The following SIK3 variants were observed in gnomAD, a reference collection of about 807,000 sequenced individuals.
SIK3 encodes the protein SIK family kinase 3.
In SIK3, 28 loss-of-function variants were observed where a neutral mutation model predicts 144.2. The ratio of observed to expected loss-of-function variants is 0.19; its 90% CI spans 0.14 to 0.27. The LOEUF is 0.27. SIK3 is among the 10% of genes least tolerant of loss of function. The pLI is 1.00. For synonymous variants in SIK3, 686 were observed against 676.3 expected (o/e 1.01, Z -0.22); for missense variants, 1,319 against 1,776.0 (o/e 0.74, Z 4.62).
intron 1 of SIK3, among the ~76,000 whole-genome samples, chr11:117,038,016 T>C (rs1053572881): frequency 2.0e-5 from 3 of 152,252 alleles, no homozygotes; most frequent in East Asian, 1.9e-4. Flanking sequence ...TTGTGTACTA[T>C]GGGGTGGAAA....
At chr11:116,981,589 T>C (rs1950142572) in intron 1 of SIK3, among the ~76,000 whole-genome samples, 1 of 152,250 alleles carries the variant, frequency 6.6e-6, no homozygotes, top group South Asian at 2.1e-4. Flanking sequence ...CAGGAAATAC[T>C]GTTTCCATAT....
intron 3 of SIK3, among the ~76,000 whole-genome samples, chr11:116,940,008 C>T (rs1052788675): frequency 2.0e-5 from 3 of 152,152 alleles, no homozygotes; most frequent in Admixed American, 6.5e-5. Context: ...CTGGCTATTA[C>T]ATGATAGTAA....
At chr11:116,892,991 T>C (rs1462862985) in intron 6 of SIK3, among the ~76,000 whole-genome samples, 1 of 152,204 alleles carries the variant, frequency 6.6e-6, no homozygotes, top group East Asian at 1.9e-4. Context: ...TCTACCCATA[T>C]GACATTCTGG....
At chr11:116,877,538 G>T (rs1944316996) in intron 6 of SIK3, among the ~76,000 whole-genome samples, 1 of 152,174 alleles carries the variant, frequency 6.6e-6, no homozygotes, top group South Asian at 2.1e-4. Flanking sequence ...AGGTGTGTGG[G>T]GAGAGAGCCA....
At chr11:116,981,547 G>T (rs1204903232) in intron 1 of SIK3, among the ~76,000 whole-genome samples, 1 of 152,206 alleles carries the variant, frequency 6.6e-6, no homozygotes, top group African/African-American at 2.4e-5. Flanking sequence ...CTTCTTGATA[G>T]TACAATAGTG....
At chr11:116,983,213 C>G (rs1950210948) in intron 1 of SIK3, among the ~76,000 whole-genome samples, 1 of 141,610 alleles carries the variant, frequency 7.1e-6, no homozygotes, top group Non-Finnish European at 1.5e-5. Flanking sequence ...GGCGACAGAG[C>G]GAGACTCTGT....
At chr11:116,914,416 C>T (rs936827367) in intron 4 of SIK3, among the ~76,000 whole-genome samples, 2 of 151,970 alleles carry the variant, frequency 1.3e-5, no homozygotes, top group African/African-American at 4.8e-5. Flanking sequence ...ACCATGTTGG[C>T]CAGGCTGGTC....
chr11:117,082,745 G>A (rs1321765953), intron 1 of SIK3, among the ~76,000 whole-genome samples: 3 of 152,126 alleles, frequency 2.0e-5, no homozygotes, highest in Non-Finnish European at 2.9e-5. Flanking sequence ...AAAAAATTGG[G>A]TGAACTGTAT....
At chr11:116,907,640 A>G (rs1201861731) in intron 4 of SIK3, among the ~76,000 whole-genome samples, 1 of 152,112 alleles carries the variant, frequency 6.6e-6, no homozygotes, top group Admixed American at 6.5e-5. Flanking sequence ...AGAGCAAAAC[A>G]CTGTCTCAAA....
chr11:117,009,881 T>C (rs1208775786), intron 1 of SIK3, among the ~76,000 whole-genome samples: 1 of 152,232 alleles, frequency 6.6e-6, no homozygotes, highest in Non-Finnish European at 1.5e-5. Context: ...TATTCTTGTT[T>C]ACTGCCCAAC....
chr11:117,031,687 A>ATTTTTTTTTTTTTTT (rs57524562), intron 1 of SIK3, among the ~76,000 whole-genome samples: 15 of 81,530 alleles, frequency 1.8e-4, no homozygotes, highest in Non-Finnish European at 3.1e-4. Context: ...CACCCGGCTA[A>ATTTTTTTTTTTTTTT]TTTTTTTTTT....
At chr11:117,036,402 CTTAT>C (rs1326837224) in intron 1 of SIK3, among the ~76,000 whole-genome samples, 2 of 152,052 alleles carry the variant, frequency 1.3e-5, no homozygotes, top group Non-Finnish European at 2.9e-5. Flanking sequence ...TCTGATTGTG[CTTAT>C]AGAAGAGTCA....
At chr11:117,087,273 T>A (rs1955057893) in intron 1 of SIK3, among the ~76,000 whole-genome samples, 1 of 151,802 alleles carries the variant, frequency 6.6e-6, no homozygotes, top group Non-Finnish European at 1.5e-5. Context: ...GTGAAACCCA[T>A]CTCTACTAAA....
Position 116,927,388 on chromosome 11 carries a change from G to A in SIK3, c.455-8C>T. 1 of 1,610,734 alleles carries A rather than the reference G, an allele frequency of 6.2e-7. No individual in the cohort carries two copies. Among genetic ancestry groups the A allele is most frequent in the Non-Finnish European group, 8.5e-7 (1 of 1,178,540 alleles). On this transcript the variant is annotated splice_polypyrimidine_tract_variant and splice_region_variant and intron_variant, in intron 3 of 24. Transcript: ENST00000445177. ...CATGGGCCACCAGGTGGTCTGTGTT[G>A]AAGAAGAATACAGTCAGTTTTCATT...
rs1291994337 is a variant in SIK3 at position 116,873,656 on chromosome 11, G to C, written c.1582-20C>G. 3 of 1,532,668 alleles carry C rather than the reference G, an allele frequency of 2.0e-6. No individual in the cohort carries two copies. The Admixed American group carries it at 6.6e-5, about 34-fold the overall frequency. The allele number at this position is 1,532,668 out of a possible 1,614,324, so 94.9% of individuals were successfully genotyped here. The stretch of plus-strand genomic sequence containing the variant: ...CTGCTCCTGCCAGGAACAGAGTGGG[G>C]AGGACGGACCATGAGATGAGGGGAA... On this transcript the variant is annotated intron_variant, in intron 12 of 24. Transcript: ENST00000445177.
chr11:116,858,394 C>T lies in SIK3; in HGVS notation c.3071G>A (p.Arg1024Gln), dbSNP rs1385062419. 15 of 1,613,242 alleles carry T rather than the reference C, an allele frequency of 9.3e-6. No individual in the cohort carries two copies. Among genetic ancestry groups the T allele is most frequent in the Non-Finnish European group, 1.3e-5 (15 of 1,179,652 alleles). The change falls in exon 21 of 25, where the codon CGG becomes CAG. Residue 1024 changes from arginine to glutamine, a missense_variant. Physicochemically the swap from Arg to Gln is conservative, Grantham distance 43 (BLOSUM62 1). This residue lies in a region of SIK3 where 646 missense variants were observed against 763.7 expected (regional missense o/e 0.85). Transcript: ENST00000445177. This position sits in a 1 kb window ranked among gnomAD's most constrained non-coding sequence, Gnocchi z 5.4. ...PHILQGLLSP[R>Q]HSLTGHSDIR... ...GTCCGAGTGGCCGGTGAGCGAATGCCGGGGAGAAAGCAGTCCTTGAAGGAT... is the reference window on the plus strand; with the variant it reads ...GTCCGAGTGGCCGGTGAGCGAATGCTGGGGAGAAAGCAGTCCTTGAAGGAT...
In SIK3 at chr11:116,847,758, G is replaced by A. The variant is rs1942097958; in HGVS notation, c.3820-150C>T. The A allele has an allele frequency of 3.4e-6, 3 of 883,296 alleles. No individual in the cohort carries two copies. In the South Asian group the frequency reaches 4.7e-5, roughly 14 times the overall value. 54.7% of individuals were successfully genotyped at this position (883,296 alleles called of 1,614,324 possible). ...CTTCCTCTAAAGCACCACCCAAAGG[G>A]GGTGCTCCACAGCGACAGTGTGGGA... On this transcript the variant is annotated intron_variant, in intron 22 of 24. Transcript: ENST00000445177.
chr11:117,004,531 GAAC>G (rs781474980), intron 1 of SIK3, among the ~76,000 whole-genome samples: 2 of 151,900 alleles, frequency 1.3e-5, no homozygotes, highest in Non-Finnish European at 2.9e-5. Context: ...CAAAAAAAAA[GAAC>G]AACGTTATTT....
intron 1 of SIK3, among the ~76,000 whole-genome samples, chr11:117,061,323 T>A (rs1487352832): frequency 6.6e-6 from 1 of 151,954 alleles, no homozygotes; most frequent in African/African-American, 2.4e-5. Flanking sequence ...GAGAAGATAA[T>A]GTCTGTTGTG....
Sources: allele counts gnomAD v4.1 joint callset (sites outside exome capture counted in the v4.1 genomes callset), GRCh38; gene constraint gnomAD v4.1.1; regional missense constraint gnomAD v4.1.1; non-coding constraint Gnocchi (gnomAD v3.1); transcripts MANE v1.5; gene names NCBI Gene and HGNC (gene_info 2026-07-23, HGNC 2026-07-21).